Variants in STT3B observed in about 807,000 individuals in gnomAD.
STT3B encodes dolichyl-diphosphooligosaccharide--protein glycosyltransferase subunit STT3B.
A neutral mutation model predicts 96.8 loss-of-function variants in STT3B; 29 were observed. The ratio of observed to expected loss-of-function variants is 0.30; its 90% CI spans 0.22 to 0.41. STT3B has a LOEUF of 0.41. STT3B is among the 10% of genes least tolerant of loss of function. The pLI is 1.00. For synonymous variants in STT3B, 367 were observed against 360.0 expected (o/e 1.02, Z -0.22); for missense variants, 640 against 1,022.3 (o/e 0.63, Z 5.10).
chr3:31,609,808 T>C (rs1319079268), intron 5 of STT3B, among the ~76,000 whole-genome samples: 2 of 152,144 alleles, frequency 1.3e-5, no homozygotes, highest in Non-Finnish European at 2.9e-5. Context: ...TTGGGCAGGC[T>C]GGTCTTTAAC....
intron 5 of STT3B, among the ~76,000 whole-genome samples, chr3:31,610,115 G>A (rs1433614268): frequency 1.3e-5 from 2 of 151,964 alleles, no homozygotes; most frequent in African/African-American, 4.8e-5. Context: ...TTTTTTTGTT[G>A]TTTTATTCTT....
At chr3:31,542,188 G>A (rs1237818279) in intron 1 of STT3B, among the ~76,000 whole-genome samples, 2 of 152,176 alleles carry the variant, frequency 1.3e-5, no homozygotes, top group Non-Finnish European at 2.9e-5. Flanking sequence ...TCAGATAAAT[G>A]CAAAATGACT....
chr3:31,591,882 A>T (rs1428024576), intron 3 of STT3B, among the ~76,000 whole-genome samples: 3 of 151,988 alleles, frequency 2.0e-5, no homozygotes, highest in African/African-American at 7.2e-5. Flanking sequence ...GACTTTCTTT[A>T]ATATTTTTTC....
rs115476991 is a variant in STT3B at position 31,556,698 on chromosome 3, T to C, written c.315-19698T>C. ...TTCTTGGCCATTTGTATGTCTTCTT[T>C]TGAGAAATATCTGTTCATGTCCTTT... is the stretch of plus-strand genomic sequence containing the variant. On this transcript the variant is annotated intron_variant, in intron 1 of 15. Transcript: ENST00000295770. Among the ~76,000 whole-genome samples, 869 of 152,360 alleles carry C rather than the reference T, an allele frequency of 5.7e-3. 6 individuals carry two copies. The highest frequency in any genetic ancestry group is 0.02 in the African/African-American group (822 of 41,594).
At chr3:31,536,681 A>G (rs58346220) in intron 1 of STT3B, among the ~76,000 whole-genome samples, 7,703 of 152,232 alleles carry the variant, frequency 0.051, 678 homozygotes, top group African/African-American at 0.17. Context: ...AGTACACTGC[A>G]CTTTTTTAAC....
At chr3:31,629,013 G>T (rs1478973736) in intron 13 of STT3B, among the ~76,000 whole-genome samples, 1 of 152,116 alleles carries the variant, frequency 6.6e-6, no homozygotes, top group Non-Finnish European at 1.5e-5. Flanking sequence ...GGCTGAAATG[G>T]GAGGATTGCT....
chr3:31,550,180 GGT>G (rs1697517146), intron 1 of STT3B, among the ~76,000 whole-genome samples: 1 of 152,044 alleles, frequency 6.6e-6, no homozygotes, highest in Non-Finnish European at 1.5e-5. Context: ...ATTAAGAGAT[GGT>G]ACTAAAATAG....
intron 4 of STT3B, among the ~76,000 whole-genome samples, chr3:31,597,527 G>C (rs551194236): frequency 6.6e-6 from 1 of 151,934 alleles, no homozygotes; most frequent in Non-Finnish European, 1.5e-5. Context: ...TGCAATCATA[G>C]CTCACTATAA....
chr3:31,599,255 T>C (rs1698869939), intron 4 of STT3B, among the ~76,000 whole-genome samples: 2 of 152,236 alleles, frequency 1.3e-5, no homozygotes, highest in Admixed American at 1.3e-4. Context: ...TTTTTTTCTT[T>C]TTAAACAAAT....
At chr3:31,551,995 T>C (rs1348616794) in intron 1 of STT3B, among the ~76,000 whole-genome samples, 2 of 152,130 alleles carry the variant, frequency 1.3e-5, no homozygotes, top group Non-Finnish European at 1.5e-5. Context: ...CTGAGTGAGC[T>C]TGGAAGCAGA....
chr3:31,628,992 G>C (rs1699595401), intron 13 of STT3B, among the ~76,000 whole-genome samples: 1 of 152,146 alleles, frequency 6.6e-6, no homozygotes, highest in African/African-American at 2.4e-5. Flanking sequence ...TGTAGTCCCA[G>C]CTACTTGAGA....
chr3:31,605,601 C>T (rs1699033145), intron 5 of STT3B, among the ~76,000 whole-genome samples: 1 of 152,178 alleles, frequency 6.6e-6, no homozygotes, highest in African/African-American at 2.4e-5. Flanking sequence ...ATGTGCCTTT[C>T]ACCTTCTGCC....
chr3:31,556,354 AGTAAACGT>A (rs1181791484), intron 1 of STT3B, among the ~76,000 whole-genome samples: 3 of 152,196 alleles, frequency 2.0e-5, no homozygotes, highest in Non-Finnish European at 4.4e-5. Context: ...ATAGTGCTGT[AGTAAACGT>A]GTGAACGCAC....
chr3:31,563,868 C>A (rs912322141), intron 1 of STT3B, among the ~76,000 whole-genome samples: 10 of 151,998 alleles, frequency 6.6e-5, no homozygotes, highest in African/African-American at 2.4e-4. Context: ...GTAGTGGGCG[C>A]GATCTTGGCT....
intron 1 of STT3B, 30 bp downstream of exon 1, chr3:31,533,342 G>A (rs1382129343): frequency 1.4e-6 from 2 of 1,477,216 alleles, no homozygotes; most frequent in East Asian, 6.0e-5. Flanking sequence ...TCCCCCGCCC[G>A]TGGCCCGCGG....
rs72856054 is a variant in STT3B at position 31,605,031 on chromosome 3, T to G, written c.877+4572T>G. Reference sequence around the variant, plus strand: ...TTACAGGTTAATATATGAAAGGTGCTTAATAATAGATGAACACAAAAAAAT... The same window carrying G: ...TTACAGGTTAATATATGAAAGGTGCGTAATAATAGATGAACACAAAAAAAT... On this transcript the variant is annotated intron_variant, in intron 5 of 15. Transcript: ENST00000295770. Among the ~76,000 whole-genome samples the G allele has an allele frequency of 2.6e-3, 401 of 152,316 alleles. 2 individuals carry two copies. The highest frequency in any genetic ancestry group is 9.5e-3 in the African/African-American group (393 of 41,576).
chr3:31,573,587 G>A (rs1698204666), intron 1 of STT3B, among the ~76,000 whole-genome samples: 1 of 152,182 alleles, frequency 6.6e-6, no homozygotes, highest in Non-Finnish European at 1.5e-5. Flanking sequence ...GGCGGTAAGA[G>A]AATACTGAAA....
intron 3 of STT3B, among the ~76,000 whole-genome samples, chr3:31,592,174 T>C (rs1698680522): frequency 6.6e-6 from 1 of 152,178 alleles, no homozygotes. Context: ...GTCTCTATGA[T>C]TTTGACTAAA....
intron 5 of STT3B, among the ~76,000 whole-genome samples, chr3:31,601,625 GGTGTGACT>G: frequency 6.6e-6 from 1 of 152,198 alleles, no homozygotes; most frequent in South Asian, 2.1e-4. Context: ...GGAGAGGAGA[GGTGTGACT>G]GTTGAATGGA....
Sources: gnomAD v4.1 joint callset for allele counts (sites outside exome capture counted in the v4.1 genomes callset) on GRCh38, gnomAD v4.1.1 for gene constraint, MANE v1.5 for transcripts, NCBI Gene and HGNC (gene_info 2026-07-23, HGNC 2026-07-21) for gene names.